Variants in CAPN5 observed in about 807,000 individuals in gnomAD.
CAPN5 encodes calpain-5.
Under a neutral mutation model 73.0 loss-of-function variants are expected in CAPN5, and 54 were observed. That is an observed-to-expected ratio of 0.74 (90% CI 0.59 to 0.93). The LOEUF (loss-of-function observed/expected upper bound fraction) is 0.93. CAPN5 is among the 40% of genes least tolerant of loss of function. The pLI is 0.00. For missense variants in CAPN5, 785 were observed against 882.9 expected (o/e 0.89, Z 1.41); for synonymous variants, 335 against 356.9 (o/e 0.94, Z 0.69).
intron 2 of CAPN5, among the ~76,000 whole-genome samples, chr11:77,085,882 G>A (rs1414083439): frequency 6.6e-6 from 1 of 152,196 alleles, no homozygotes; most frequent in Non-Finnish European, 1.5e-5. Context: ...GTGACACTGA[G>A]GGTCGTCCCC....
chr11:77,068,372 G>A (rs1481627565), intron 1 of CAPN5, among the ~76,000 whole-genome samples: 1 of 152,170 alleles, frequency 6.6e-6, no homozygotes, highest in Admixed American at 6.5e-5. Flanking sequence ...ATAAGGCCCT[G>A]TCCAGAGTTG....
intron 3 of CAPN5, chr11:77,102,867 C>A: frequency 6.2e-7 from 1 of 1,607,216 alleles, no homozygotes; most frequent in Non-Finnish European, 8.5e-7. Flanking sequence ...GCAGCAGCCG[C>A]AGCTGGACAT....
At chr11:77,075,675 T>C (rs2135410253) in intron 1 of CAPN5, among the ~76,000 whole-genome samples, 1 of 152,318 alleles carries the variant, frequency 6.6e-6, no homozygotes, top group East Asian at 1.9e-4. Context: ...CTGTGCTGGC[T>C]TTTTTTGTTT....
intron 2 of CAPN5, among the ~76,000 whole-genome samples, chr11:77,092,612 G>A (rs1555036692): frequency 6.6e-6 from 1 of 152,266 alleles, no homozygotes; most frequent in East Asian, 1.9e-4. Context: ...GTCAGCGGCT[G>A]CCCTGGCCGG....
At chr11:77,093,244 A>G (rs922000447) in intron 2 of CAPN5, among the ~76,000 whole-genome samples, 14 of 152,046 alleles carry the variant, frequency 9.2e-5, no homozygotes, top group South Asian at 6.3e-4. Flanking sequence ...CCATGCCCGC[A>G]CCCCCACCCC....
Position 77,122,063 on chromosome 11 carries a change from G to C in CAPN5, c.1603+14G>C. On this transcript the variant is annotated intron_variant, in intron 11 of 12. Transcript: ENST00000648180. Reference sequence around the variant, plus strand: ...ACTCCCCAACAGGTGAGCTCTCCCAGGGAGAGTCCCCCGGCCCTCCTGCCA... The same window carrying C: ...ACTCCCCAACAGGTGAGCTCTCCCACGGAGAGTCCCCCGGCCCTCCTGCCA... 1 of 1,476,964 alleles carries C rather than the reference G, an allele frequency of 6.8e-7. No homozygotes were observed. 91.5% of individuals were successfully genotyped at this position (1,476,964 alleles called of 1,614,324 possible).
At chr11:77,122,511 A>G in intron 11 of CAPN5, 65 bp from the exon 12 acceptor site, 1 of 1,343,462 alleles carries the variant, frequency 7.4e-7, no homozygotes, top group South Asian at 1.3e-5. Flanking sequence ...TCACCTGTAG[A>G]TATCTGTGGC....
chr11:77,073,155 C>T (rs1949929226), intron 1 of CAPN5: 1 of 1,246,248 alleles, frequency 8.0e-7, no homozygotes, highest in Non-Finnish European at 1.1e-6. Context: ...GGCCACCGCA[C>T]TGGGTTGCCT....
In CAPN5 at chr11:77,123,760, C is replaced by T; in HGVS notation, c.1813C>T (p.Gln605Ter). 6.2e-7 allele frequency: 1 copy of T among 1,613,990 alleles called. No homozygotes were observed. Among genetic ancestry groups the T allele is most frequent in the Non-Finnish European group, 8.5e-7 (1 of 1,179,988 alleles). ...VHLKADPDNL[Q>*]ALHTLHLRDR... is the part of the protein sequence containing the mutation. ...CCTAAAGGCTGACCCGGACAACCTC[C>T]AGGCCCTGCATACCCTCCACCTCCG... The change falls in exon 13 of 13, where the codon CAG (glutamine) becomes TAG (stop). Residue 605 changes from glutamine to a stop codon, truncating the protein, a stop_gained. Transcript: ENST00000648180. LOFTEE classifies it high-confidence loss of function.
intron 11 of CAPN5, 39 bp from the exon 12 acceptor site, chr11:77,122,537 A>ACCCCCCCCCCCCCCCCCCCCCC: frequency 4.7e-6 from 2 of 427,576 alleles, no homozygotes; most frequent in Non-Finnish European, 8.8e-6. Flanking sequence ...CACAGCCCCC[A>ACCCCCCCCCCCCCCCCCCCCCC]CCCCCACCCT....
chr11:77,120,618 C>A, intron 9 of CAPN5, 95 bp from the exon 10 acceptor site: 1 of 754,864 alleles, frequency 1.3e-6, no homozygotes, highest in Admixed American at 2.3e-5. Flanking sequence ...AAAGGGATTC[C>A]ATCGTCCCTT....
In CAPN5 at chr11:77,068,889, T is replaced by TAAGTTGAC. The variant is rs148212645; in HGVS notation, c.-36+1796_-36+1803dup. 9.9e-3 allele frequency among the ~76,000 whole-genome samples: 1,501 copies of TAAGTTGAC among 151,908 alleles called. 22 individuals carry two copies. Among genetic ancestry groups the TAAGTTGAC allele is most frequent in the African/African-American group, 0.034 (1,415 of 41,404 alleles). ...CATTGGGGGTGGAGCAGGTTGGGAG[T>TAAGTTGAC]AAGTTGACTGTTGGACAGGGTGGTT... On this transcript the variant is annotated intron_variant, in intron 1 of 12. Coordinates refer to ENST00000648180, the MANE Select transcript of CAPN5 (RefSeq NM_004055.5).
rs782170899 is a variant in CAPN5, at chr11:77,120,852, C to T, written c.1430C>T (p.Pro477Leu). 6.2e-7 allele frequency: 1 copy of T among 1,614,164 alleles called. No individual in the cohort carries two copies. Among genetic ancestry groups the T allele is most frequent in the Admixed American group, 1.7e-5 (1 of 60,020 alleles). The change falls in exon 10 of 13, where the codon CCA becomes CTA. Residue 477 changes from proline (P) to leucine (L), a missense_variant. Physicochemically the swap from Pro to Leu is moderately conservative, Grantham distance 98. Transcript: ENST00000648180. ...GTCATCATCCCCACAACCTTCGAGC[C>T]AGGCCACACTGGCGAGTTCCTGCTC... ...RYVIIPTTFE[P>L]GHTGEFLLRV...
At chr11:77,073,155 C>G in intron 1 of CAPN5, 1 of 1,246,246 alleles carries the variant, frequency 8.0e-7, no homozygotes, top group Non-Finnish European at 1.1e-6. Context: ...GGCCACCGCA[C>G]TGGGTTGCCT....
intron 2 of CAPN5, among the ~76,000 whole-genome samples, chr11:77,093,221 A>G (rs1555036809): frequency 6.6e-6 from 1 of 152,134 alleles, no homozygotes; most frequent in African/African-American, 2.4e-5. Context: ...CAGCTGGGAT[A>G]TGGGTGTTTG....
At chr11:77,111,422 C>A (rs1950409243) in intron 3 of CAPN5, among the ~76,000 whole-genome samples, 1 of 152,092 alleles carries the variant, frequency 6.6e-6, no homozygotes, top group African/African-American at 2.4e-5. Flanking sequence ...AGTTACGTGC[C>A]CTCTCTGGGC....
chr11:77,116,973 C>T (rs1176771856), intron 7 of CAPN5, among the ~76,000 whole-genome samples: 1 of 152,142 alleles, frequency 6.6e-6, no homozygotes, highest in Non-Finnish European at 1.5e-5. Context: ...TACAGTGGCT[C>T]ATGTCTATAA....
rs782792970 is a variant in CAPN5 at position 77,085,006 on chromosome 11, CTAT to C, written c.121_123del (p.Tyr41del). 20 of 1,613,724 alleles carry C rather than the reference CTAT, an allele frequency of 1.2e-5. No homozygotes were observed. Among genetic ancestry groups the C allele is most frequent in the Non-Finnish European group, 1.7e-5 (20 of 1,180,064 alleles). ...TCCCCGCCACTGACGACTCACTCTA[CTAT>C]AAGGGCACGCCGGGGCCCGCCGTCA... On this transcript the variant is annotated inframe_deletion, in exon 2 of 13. Coordinates refer to ENST00000648180, the MANE Select transcript of CAPN5 (RefSeq NM_004055.5).
chr11:77,076,066 C>G (rs1429562000), intron 1 of CAPN5, among the ~76,000 whole-genome samples: 3 of 152,148 alleles, frequency 2.0e-5, no homozygotes, highest in Non-Finnish European at 2.9e-5. Flanking sequence ...TGAGAACACT[C>G]AAAATCTACT....
Sources: allele counts gnomAD v4.1 joint callset (sites outside exome capture counted in the v4.1 genomes callset), GRCh38; gene constraint gnomAD v4.1.1; transcripts MANE v1.5; gene names NCBI Gene and HGNC (gene_info 2026-07-23, HGNC 2026-07-21).